Variants in DIAPH2 observed in about 807,000 individuals in gnomAD.
DIAPH2 encodes the protein diaphanous related formin 2, also known as protein diaphanous homolog 2.
A neutral mutation model predicts 92.7 loss-of-function variants in DIAPH2; 35 were observed. The observed-to-expected ratio is 0.38, with a 90% confidence interval of 0.29 to 0.50. The LOEUF (loss-of-function observed/expected upper bound fraction) is 0.50. Among genes scored for constraint, DIAPH2 ranks in the 20% least tolerant of loss-of-function variants. DIAPH2 has a pLI of 0.94. For synonymous variants in DIAPH2, 301 were observed against 280.4 expected (o/e 1.07, Z -0.73); for missense variants, 701 against 819.5 (o/e 0.86, Z 1.77).
chrX:97,325,078 G>C lies in DIAPH2; in HGVS notation c.2845-23038G>C, dbSNP rs947247645. On this transcript the variant is annotated intron_variant, in intron 23 of 26. Coordinates refer to ENST00000324765, the MANE Select transcript of DIAPH2 (RefSeq NM_006729.5). ...GCATCCCAAAGTGCTGGGATTACAG[G>C]CATGAGCCACCTCACCCGGCCAATA... Among the ~76,000 whole-genome samples, 7 of 112,230 alleles carry C rather than the reference G, an allele frequency of 6.2e-5. No homozygotes were observed. The Admixed American group carries it at 6.6e-4, about 11-fold the overall frequency.
chrX:96,749,145 A>AAAATATATAT (rs1252042191), intron 3 of DIAPH2, among the ~76,000 whole-genome samples: 2 of 79,825 alleles, frequency 2.5e-5, no homozygotes, highest in African/African-American at 1.0e-4. Flanking sequence ...AAAAAAAAAA[A>AAAATATATAT]ATATATATAT....
chrX:97,238,479 T>C (rs2068066629), intron 22 of DIAPH2, among the ~76,000 whole-genome samples: 1 of 111,707 alleles, frequency 9.0e-6, no homozygotes, highest in Non-Finnish European at 1.9e-5. Flanking sequence ...TAAATGATGG[T>C]ACTTAAGAAC....
In DIAPH2 at chrX:97,602,702, T is replaced by G. The variant is rs2071602718; in HGVS notation, c.*3385T>G. ...TGCACTTCTTCCTCTGTTCCCACAC[T>G]TGGGCCTCTGCCTCTGTACCTGCAG... On this transcript the variant is annotated 3_prime_UTR_variant, in exon 27 of 27. Transcript: ENST00000324765. The G allele has an allele frequency of 8.9e-6, 1 of 112,156 alleles. No individual in the cohort carries two copies. Among genetic ancestry groups the G allele is most frequent in the African/African-American group, 3.2e-5 (1 of 30,789 alleles). 9.2% of individuals were successfully genotyped at this position (112,156 alleles called of 1,213,427 possible). A position where few individuals can be genotyped will look rare whatever the true frequency, so the allele number is the denominator to read the frequency against.
At chrX:97,190,833 C>A (rs1201415230) in intron 22 of DIAPH2, among the ~76,000 whole-genome samples, 34 of 72,758 alleles carry the variant, frequency 4.7e-4, no homozygotes, top group African/African-American at 1.7e-3. Context: ...GACTCCATTT[C>A]AAAAAAAAAA....
At chrX:97,411,800 CAAAG>C (rs1204103254) in intron 25 of DIAPH2, among the ~76,000 whole-genome samples, 13 of 111,678 alleles carry the variant, frequency 1.2e-4, no homozygotes, top group African/African-American at 4.2e-4. Flanking sequence ...TCAAAAGAGA[CAAAG>C]AAGGCTGTGA....
rs202142170 is a variant in DIAPH2, at chrX:96,913,529, AT to A, written c.732+981del. ...TGCAAATGAATTAGTGTTGTTCCCAATTTTGGTAATAATGCTTTTTCTTTAA... is the reference window on the plus strand; with the variant it reads ...TGCAAATGAATTAGTGTTGTTCCCAATTTGGTAATAATGCTTTTTCTTTAA... On this transcript the variant is annotated intron_variant, in intron 7 of 26. Transcript: ENST00000324765. 6.3e-4 allele frequency among the ~76,000 whole-genome samples: 70 copies of A among 111,419 alleles called. No homozygotes were observed. In the East Asian group the frequency reaches 0.019, roughly 30 times the overall value.
intron 26 of DIAPH2, among the ~76,000 whole-genome samples, chrX:97,450,318 T>C: frequency 8.9e-6 from 1 of 111,792 alleles, no homozygotes; most frequent in Non-Finnish European, 1.9e-5. Context: ...ATGTAAGGGG[T>C]ATTCTACATG....
chrX:97,303,525 T>TA (rs1287908119), intron 23 of DIAPH2, among the ~76,000 whole-genome samples: 2 of 111,779 alleles, frequency 1.8e-5, no homozygotes, highest in East Asian at 5.6e-4. Context: ...ATGTTGAAAT[T>TA]ATGTTAAATT....
intron 23 of DIAPH2, among the ~76,000 whole-genome samples, chrX:97,347,125 G>A (rs936912875): frequency 1.2e-5 from 1 of 82,145 alleles, no homozygotes; most frequent in Non-Finnish European, 2.2e-5. Context: ...GTCTCACACT[G>A]TCGCCCAGGC....
At chrX:97,359,570 C>CTTTTTTTTTTTT (rs1162203236) in intron 24 of DIAPH2, among the ~76,000 whole-genome samples, 1 of 66,702 alleles carries the variant, frequency 1.5e-5, no homozygotes, top group Non-Finnish European at 2.7e-5. Context: ...CATGGATAAT[C>CTTTTTTTTTTTT]TTTTTTTTTT....
intron 17 of DIAPH2, among the ~76,000 whole-genome samples, chrX:96,979,687 C>A (rs1208193021): frequency 1.1e-4 from 12 of 111,924 alleles, no homozygotes; most frequent in African/African-American, 3.9e-4. Context: ...CAGCTTCTGG[C>A]AAATATAAGT....
At chrX:96,789,230 G>A (rs896512676) in intron 4 of DIAPH2, among the ~76,000 whole-genome samples, 5 of 111,871 alleles carry the variant, frequency 4.5e-5, no homozygotes, top group Admixed American at 2.9e-4. Flanking sequence ...TATGTGTGAT[G>A]CACCTGCCCA....
At chrX:96,723,445 C>G (rs1429795518) in intron 1 of DIAPH2, among the ~76,000 whole-genome samples, 2 of 111,452 alleles carry the variant, frequency 1.8e-5, no homozygotes, top group Admixed American at 1.9e-4. Context: ...TATAGCCAGT[C>G]CTGCCTATAG....
intron 9 of DIAPH2, 25 bp from the exon 10 acceptor site, chrX:96,930,708 A>G: frequency 8.6e-7 from 1 of 1,160,246 alleles, no homozygotes; most frequent in East Asian, 3.0e-5. Context: ...GTTTTTTTAA[A>G]ACAAAATTTG....
At chrX:96,954,858 C>T (rs929030261) in intron 15 of DIAPH2, among the ~76,000 whole-genome samples, 1 of 112,302 alleles carries the variant, frequency 8.9e-6, no homozygotes, top group African/African-American at 3.2e-5. Flanking sequence ...AGCTAAGTTA[C>T]TAGAGCCATG....
intron 22 of DIAPH2, among the ~76,000 whole-genome samples, chrX:97,168,872 G>A (rs1174391814): frequency 8.9e-6 from 1 of 112,065 alleles, no homozygotes; most frequent in African/African-American, 3.2e-5. Flanking sequence ...GTGCTTTCAT[G>A]TCTTTTTATA....
intron 5 of DIAPH2, among the ~76,000 whole-genome samples, chrX:96,903,493 T>C (rs779723157): frequency 1.1e-3 from 125 of 112,185 alleles, no homozygotes; most frequent in Non-Finnish European, 1.9e-3. Flanking sequence ...AACATTTTAT[T>C]ATAAGTTTGA....
chrX:96,770,256 T>C (rs943523312), intron 4 of DIAPH2, among the ~76,000 whole-genome samples: 3 of 111,216 alleles, frequency 2.7e-5, no homozygotes, highest in Non-Finnish European at 5.7e-5. Context: ...TTTAGTGTTA[T>C]CTATGTATTA....
chrX:97,144,615 A>G (rs1181193124), intron 22 of DIAPH2, among the ~76,000 whole-genome samples: 2 of 19,192 alleles, frequency 1.0e-4, no homozygotes, highest in African/African-American at 1.9e-4. Context: ...ATATGTGTAT[A>G]TAGCGTGTAT....
Sources: gnomAD v4.1 joint callset for allele counts (sites outside exome capture counted in the v4.1 genomes callset) on GRCh38, gnomAD v4.1.1 for gene constraint, MANE v1.5 for transcripts, NCBI Gene and HGNC (gene_info 2026-07-23, HGNC 2026-07-21) for gene names.